Variants in NPAS2 observed in about 807,000 individuals in gnomAD.
NPAS2 encodes the protein neuronal PAS domain-containing protein 2.
NPAS2 carries 23 observed loss-of-function variants against 107.5 expected under a neutral mutation model. The ratio of observed to expected loss-of-function variants is 0.21; its 90% CI spans 0.15 to 0.30. NPAS2 has a LOEUF of 0.30. NPAS2 is among the 10% of genes least tolerant of loss of function. NPAS2 has a pLI of 1.00. For missense variants in NPAS2, 756 were observed against 1,043.3 expected (o/e 0.72, Z 3.79); for synonymous variants, 403 against 417.5 (o/e 0.97, Z 0.42).
chr2:100,989,657 A>G (rs1677996209), intron 17 of NPAS2: 1 of 152,320 alleles, frequency 6.6e-6, no homozygotes, highest in South Asian at 2.1e-4. Flanking sequence ...CGTGCCAGGC[A>G]CTAAATTCTG....
At chr2:100,990,701 C>A in intron 18 of NPAS2, 79 bp from the exon 19 acceptor site, 2 of 1,339,322 alleles carry the variant, frequency 1.5e-6, no homozygotes, top group African/African-American at 1.4e-5. Context: ...TCCAGCCAGG[C>A]TGAGCAAGTG....
chr2:100,830,317 C>A (rs1676651504), intron 1 of NPAS2, among the ~76,000 whole-genome samples: 1 of 152,042 alleles, frequency 6.6e-6, no homozygotes, highest in South Asian at 2.1e-4. Context: ...GGGTTAACTC[C>A]ATTTCTTTTT....
chr2:100,990,128 T>G, intron 17 of NPAS2, 128 bp from the exon 18 acceptor site: 1 of 776,236 alleles, frequency 1.3e-6, no homozygotes, highest in Non-Finnish European at 2.2e-6. Context: ...AGTAATTCAG[T>G]AGTTGGGAGG....
chr2:100,994,205 G>C (rs970584659), intron 20 of NPAS2: 2 of 152,460 alleles, frequency 1.3e-5, no homozygotes, highest in Non-Finnish European at 1.5e-5. Context: ...TCCTGGGGGG[G>C]CTTCCTCCCT....
Position 100,941,774 on chromosome 2 carries a change from C to T in NPAS2, c.363+3932C>T, listed in dbSNP as rs569102406. 5.9e-5 allele frequency among the ~76,000 whole-genome samples: 9 copies of T among 152,172 alleles called. No individual in the cohort carries two copies. The South Asian group carries it at 6.2e-4, about 11-fold the overall frequency. On this transcript the variant is annotated intron_variant, in intron 5 of 20. Coordinates refer to ENST00000335681, the MANE Select transcript of NPAS2 (RefSeq NM_002518.4). ...CCTTGGACAGAATGGGGAAAGAGTA[C>T]GGCTGAGGCAGAACCAAATGAGAGA...
rs142253761 is a variant in NPAS2, at chr2:100,994,747, T to C, written c.2293-653T>C. The C allele has an allele frequency of 2.0e-5, 3 of 152,368 alleles. No individual in the cohort carries two copies. In the East Asian group the frequency reaches 5.8e-4, roughly 29 times the overall value. 9.4% of individuals were successfully genotyped at this position (152,368 alleles called of 1,614,324 possible). A position where few individuals can be genotyped will look rare whatever the true frequency, so the allele number is the denominator to read the frequency against. ...CCCGAAATGTGGGTGAGGGTGAAGA[T>C]AAAGGGACAGTGTTCCAGCCAGACA... is the stretch of plus-strand genomic sequence containing the variant. On this transcript the variant is annotated intron_variant, in intron 20 of 20. Coordinates refer to ENST00000335681, the MANE Select transcript of NPAS2 (RefSeq NM_002518.4).
rs561439658 is a variant in NPAS2 at position 100,981,887 on chromosome 2, ATC to A, written c.1483-338_1483-337del. 1.8e-3 allele frequency among the ~76,000 whole-genome samples: 271 copies of A among 152,356 alleles called. 2 individuals are homozygous for A. The highest frequency in any genetic ancestry group is 6.2e-3 in the African/African-American group (259 of 41,576). On this transcript the variant is annotated intron_variant, in intron 15 of 20. Coordinates refer to ENST00000335681, the MANE Select transcript of NPAS2 (RefSeq NM_002518.4). The stretch of plus-strand genomic sequence containing the variant: ...CATTCATCTCCAGAACCATTTGTTC[ATC>A]TCTCTAAATTTGGAATATCAGTTTG...
At chr2:100,869,876 T>C (rs1369971373) in intron 1 of NPAS2, among the ~76,000 whole-genome samples, 1 of 151,886 alleles carries the variant, frequency 6.6e-6, no homozygotes, top group African/African-American at 2.4e-5. Flanking sequence ...CTCTCTGTGT[T>C]TGGCCCCAGC....
At chr2:100,990,529 A>T (rs1678049833) in intron 18 of NPAS2, 83 bp downstream of exon 18, 3 of 1,434,710 alleles carry the variant, frequency 2.1e-6, no homozygotes, top group East Asian at 2.3e-5. Flanking sequence ...CTTTAGACGG[A>T]GGCAGAGTTC....
At chr2:100,988,717 C>T in intron 17 of NPAS2, 1 of 326,166 alleles carries the variant, frequency 3.1e-6, no homozygotes, top group Non-Finnish European at 5.8e-6. Flanking sequence ...GCCCCAGGTG[C>T]CCCCTGCTCC....
chr2:100,882,012 G>A (rs544860095), intron 1 of NPAS2, among the ~76,000 whole-genome samples: 3 of 152,356 alleles, frequency 2.0e-5, no homozygotes, highest in African/African-American at 2.4e-5. Context: ...GGGAGACCCC[G>A]TGCCTCAGCT....
At position 100,820,939 on chromosome 2, in the gene NPAS2, C is replaced by T. The variant is rs1676033084; in HGVS notation, c.-23+525C>T. 4 of 855,316 alleles carry T rather than the reference C, an allele frequency of 4.7e-6. No homozygotes were observed. The highest frequency in any genetic ancestry group is 6.5e-6 in the Non-Finnish European group (4 of 613,454). The allele number at this position is 855,316 out of a possible 1,614,324, so 53.0% of individuals were successfully genotyped here. A position where few individuals can be genotyped will look rare whatever the true frequency, so the allele number is the denominator to read the frequency against. On this transcript the variant is annotated intron_variant, in intron 1 of 20. Transcript: ENST00000335681. This position sits in a 1 kb window ranked among gnomAD's most constrained non-coding sequence, Gnocchi z 5.6. ...CGGATTGGGTGCGGAATCGGTGCCC[C>T]CAACCCCCGTGTGCGCAGACAGCGT...
intron 1 of NPAS2, among the ~76,000 whole-genome samples, chr2:100,858,008 CAG>C (rs1678690390): frequency 6.6e-6 from 1 of 152,322 alleles, no homozygotes; most frequent in East Asian, 1.9e-4. Flanking sequence ...AAGAAAAAGT[CAG>C]TACTCAAGAG....
At chr2:100,867,804 G>T (rs1305341184) in intron 1 of NPAS2, among the ~76,000 whole-genome samples, 1 of 152,138 alleles carries the variant, frequency 6.6e-6, no homozygotes, top group Non-Finnish European at 1.5e-5. Context: ...GTCTCCCAAA[G>T]TGCTGGGACT....
chr2:100,834,480 C>T (rs577012757), intron 1 of NPAS2, among the ~76,000 whole-genome samples: 3 of 152,266 alleles, frequency 2.0e-5, no homozygotes, highest in South Asian at 4.1e-4. Context: ...CTCTTAGGTG[C>T]GGACATCTGA....
intron 4 of NPAS2, chr2:100,934,212 G>C (rs943883737): frequency 2.0e-5 from 3 of 152,102 alleles, no homozygotes; most frequent in African/African-American, 7.2e-5. Context: ...GTATCATTAT[G>C]CTAATTTACA....
At chr2:100,989,839 A>G (rs1215102150) in intron 17 of NPAS2, 1 of 170,100 alleles carries the variant, frequency 5.9e-6, no homozygotes, top group East Asian at 1.7e-4. Context: ...TGAAGAAGAT[A>G]ATATTTGAGT....
intron 12 of NPAS2, among the ~76,000 whole-genome samples, chr2:100,972,486 CTG>C (rs1676645775): frequency 6.6e-6 from 1 of 152,194 alleles, no homozygotes; most frequent in Non-Finnish European, 1.5e-5. Context: ...TTCAGGCTGT[CTG>C]TGGTCCAACA....
intron 1 of NPAS2, among the ~76,000 whole-genome samples, chr2:100,833,414 A>T (rs1000223601): frequency 6.6e-6 from 1 of 152,266 alleles, no homozygotes; most frequent in Admixed American, 6.5e-5. Flanking sequence ...TTGCACACCC[A>T]GCTGGGTAAA....
Sources: allele counts gnomAD v4.1 joint callset (sites outside exome capture counted in the v4.1 genomes callset), GRCh38; gene constraint gnomAD v4.1.1; non-coding constraint Gnocchi (gnomAD v3.1); transcripts MANE v1.5; gene names NCBI Gene and HGNC (gene_info 2026-07-23, HGNC 2026-07-21).